GTF2F2: variants seen among roughly 807,000 people sequenced by gnomAD.
The protein encoded by GTF2F2 is ATP-dependent helicase GTF2F2.
GTF2F2 carries 23 observed loss-of-function variants against 42.2 expected under a neutral mutation model. That is an observed-to-expected ratio of 0.55 (90% confidence interval 0.39 to 0.77). GTF2F2 has a LOEUF of 0.77. Ranked by LOEUF, GTF2F2 falls within the 30% of genes least tolerant of loss-of-function variation. The probability of loss-of-function intolerance (pLI) is 0.00; values close to 1 mark genes in which losing one functional copy is unlikely to be tolerated. For synonymous variants in GTF2F2, 105 were observed against 100.8 expected (o/e 1.04, Z -0.25); for missense variants, 261 against 287.2 (o/e 0.91, Z 0.66).
chr13:45,213,326 G>A (rs953671080), intron 5 of GTF2F2, among the ~76,000 whole-genome samples: 5 of 151,994 alleles, frequency 3.3e-5, no homozygotes, highest in African/African-American at 4.8e-5. Flanking sequence ...TGATCCACCC[G>A]CCTCGGCCCC....
At chr13:45,174,507 T>G (rs1283488782) in intron 4 of GTF2F2, among the ~76,000 whole-genome samples, 1 of 152,120 alleles carries the variant, frequency 6.6e-6, no homozygotes, top group Admixed American at 6.5e-5. Flanking sequence ...TTTTATAATT[T>G]TAGCATTTAA....
At chr13:45,228,297 T>TTTTTTTTTTTTTTTTTTTTTCTTTTTTTC (rs1874474192) in intron 5 of GTF2F2, among the ~76,000 whole-genome samples, 1 of 147,206 alleles carries the variant, frequency 6.8e-6, no homozygotes, top group Non-Finnish European at 1.5e-5. Flanking sequence ...TTTTTTTTTT[T>TTTTTTTTTTTTTTTTTTTTTCTTTTTTTC]TTGGAGACGG....
chr13:45,235,470 C>T (rs974469131), intron 5 of GTF2F2, among the ~76,000 whole-genome samples: 5 of 150,960 alleles, frequency 3.3e-5, no homozygotes, highest in Non-Finnish European at 7.4e-5. Context: ...GTGGGAGGCA[C>T]TTATCTTTTT....
chr13:45,148,081 A>T (rs1013969456), intron 2 of GTF2F2, among the ~76,000 whole-genome samples: 1 of 152,214 alleles, frequency 6.6e-6, no homozygotes, highest in African/African-American at 2.4e-5. Context: ...CACAATGCAT[A>T]GTGGACATAT....
intron 4 of GTF2F2, chr13:45,206,366 T>G (rs1474495820): frequency 6.6e-6 from 1 of 152,220 alleles, no homozygotes; most frequent in Non-Finnish European, 1.5e-5. Context: ...CAGTGAACTG[T>G]ATGCTTCTTG....
chr13:45,226,056 C>T (rs1290190277), intron 5 of GTF2F2, among the ~76,000 whole-genome samples: 2 of 142,960 alleles, frequency 1.4e-5, no homozygotes, highest in Non-Finnish European at 3.0e-5. Context: ...TGATTATATC[C>T]GGAAAAAAAA....
At chr13:45,232,843 G>A (rs150673101) in intron 5 of GTF2F2, among the ~76,000 whole-genome samples, 8 of 152,248 alleles carry the variant, frequency 5.3e-5, no homozygotes, top group African/African-American at 1.7e-4. Context: ...TTCACATAGT[G>A]TAAGTGTGTA....
intron 6 of GTF2F2, among the ~76,000 whole-genome samples, 193 bp downstream of exon 6, chr13:45,253,163 T>G (rs1212156705): frequency 6.6e-6 from 1 of 151,910 alleles, no homozygotes; most frequent in East Asian, 1.9e-4. Context: ...CACTCTACAT[T>G]GCAAGTTATA....
chr13:45,159,076 T>C (rs1287470724), intron 4 of GTF2F2, among the ~76,000 whole-genome samples: 1 of 152,218 alleles, frequency 6.6e-6, no homozygotes, highest in Non-Finnish European at 1.5e-5. Flanking sequence ...TCAGATTAGC[T>C]TAGTACCATA....
intron 4 of GTF2F2, among the ~76,000 whole-genome samples, chr13:45,177,157 T>C (rs1344761619): frequency 6.6e-6 from 1 of 151,944 alleles, no homozygotes; most frequent in Non-Finnish European, 1.5e-5. Context: ...TGAATGAGAA[T>C]GATGTATTTT....
At chr13:45,208,046 C>T (rs987154459) in intron 5 of GTF2F2, among the ~76,000 whole-genome samples, 3 of 151,592 alleles carry the variant, frequency 2.0e-5, no homozygotes, top group South Asian at 4.2e-4. Context: ...ATTGCTTGGG[C>T]CTGGGAAGTG....
At chr13:45,153,431 G>A (rs1870600979) in intron 4 of GTF2F2, among the ~76,000 whole-genome samples, 3 of 152,040 alleles carry the variant, frequency 2.0e-5, no homozygotes, top group Admixed American at 2.0e-4. Context: ...TAACTCTTCA[G>A]TTATGTAGTT....
At chr13:45,208,058 A>G (rs1301668639) in intron 5 of GTF2F2, among the ~76,000 whole-genome samples, 2 of 151,764 alleles carry the variant, frequency 1.3e-5, no homozygotes, top group Non-Finnish European at 2.9e-5. Context: ...TGGGAAGTGA[A>G]GGCTGCAGTG....
intron 4 of GTF2F2, among the ~76,000 whole-genome samples, chr13:45,153,718 C>T (rs1346910340): frequency 6.6e-6 from 1 of 152,008 alleles, no homozygotes; most frequent in Non-Finnish European, 1.5e-5. Context: ...TGGCTCATGC[C>T]TGTAATCCCA....
intron 4 of GTF2F2, among the ~76,000 whole-genome samples, chr13:45,171,670 C>T (rs945344153): frequency 3.9e-5 from 6 of 152,130 alleles, no homozygotes; most frequent in African/African-American, 1.4e-4. Flanking sequence ...TTAAAGTGTA[C>T]AAGTGAATGG....
intron 4 of GTF2F2, among the ~76,000 whole-genome samples, chr13:45,183,152 G>A (rs1872244366): frequency 6.6e-6 from 1 of 152,112 alleles, no homozygotes. Flanking sequence ...AAGGTTGCTT[G>A]GTTGCTGTGT....
At chr13:45,274,887 G>T (rs1186238586) in intron 7 of GTF2F2, among the ~76,000 whole-genome samples, 4 of 151,854 alleles carry the variant, frequency 2.6e-5, no homozygotes, top group Non-Finnish European at 5.9e-5. Flanking sequence ...ACCCCAGCCT[G>T]AATGACAGAG....
At chr13:45,231,003 C>A (rs1317083148) in intron 5 of GTF2F2, among the ~76,000 whole-genome samples, 1 of 151,832 alleles carries the variant, frequency 6.6e-6, no homozygotes, top group Non-Finnish European at 1.5e-5. Flanking sequence ...TCTTCAGGTT[C>A]AATTCTAGTA....
intron 1 of GTF2F2, among the ~76,000 whole-genome samples, chr13:45,131,976 T>C (rs1273520406): frequency 6.6e-6 from 1 of 151,372 alleles, no homozygotes; most frequent in Non-Finnish European, 1.5e-5. Flanking sequence ...GATTATTAAG[T>C]CTGCCCTTTC....
Sources: gnomAD v4.1 joint callset for allele counts (sites outside exome capture counted in the v4.1 genomes callset) on GRCh38, gnomAD v4.1.1 for gene constraint, MANE v1.5 for transcripts, NCBI Gene and HGNC (gene_info 2026-07-23, HGNC 2026-07-21) for gene names.